The following CMTM8 variants were observed in gnomAD, a reference collection of about 807,000 sequenced individuals.
The protein encoded by CMTM8 is CKLF-like MARVEL transmembrane domain-containing protein 8.
CMTM8 carries 12 observed loss-of-function variants against 18.6 expected under a neutral mutation model. That is an observed-to-expected ratio of 0.65 (90% confidence interval 0.41 to 1.05). The LOEUF is 1.05. CMTM8 is among the 50% of genes least tolerant of loss of function. The probability of loss-of-function intolerance (pLI) is 0.00; values close to 1 mark genes in which losing one functional copy is unlikely to be tolerated. For missense variants in CMTM8, 217 were observed against 227.2 expected (o/e 0.95, Z 0.29); for synonymous variants, 87 against 90.6 (o/e 0.96, Z 0.23).
intron 1 of CMTM8, among the ~76,000 whole-genome samples, chr3:32,335,655 G>A (rs1696372299): frequency 6.6e-6 from 1 of 152,126 alleles, no homozygotes; most frequent in Non-Finnish European, 1.5e-5. Flanking sequence ...ATGTGTCGAA[G>A]GTCACCTGTT....
intron 1 of CMTM8, among the ~76,000 whole-genome samples, chr3:32,305,568 G>A (rs1695701137): frequency 6.6e-6 from 1 of 152,146 alleles, no homozygotes; most frequent in Admixed American, 6.5e-5. Context: ...CAAAACTATG[G>A]TAAATACACT....
chr3:32,251,059 A>C (rs2125531311), intron 1 of CMTM8, among the ~76,000 whole-genome samples: 1 of 152,336 alleles, frequency 6.6e-6, no homozygotes, highest in East Asian at 1.9e-4. Context: ...ATGGTGTTTC[A>C]GCATATAACA....
rs1056208982 is a variant in CMTM8 at position 32,238,998 on chromosome 3, C to T, written c.26C>T (p.Ser9Leu). The T allele has an allele frequency of 4.0e-5, 62 of 1,555,056 alleles. No homozygotes were observed. Among genetic ancestry groups the T allele is most frequent in the Non-Finnish European group, 5.2e-5 (60 of 1,150,118 alleles). ...ATGGAGGAGCCGCAGCGCGCCCGCT[C>T]GCACACAGTCACCACCACCGCCAGC... Reference protein sequence around the residue: MEEPQRARSHTVTTTASSF... With the variant: MEEPQRARLHTVTTTASSF... The change falls in exon 1 of 4, where the codon TCG (serine) becomes TTG (leucine). Residue 9 changes from serine to leucine, a missense_variant. By Grantham distance (145) the Ser-to-Leu change is moderately radical. Coordinates refer to ENST00000307526, the MANE Select transcript of CMTM8 (RefSeq NM_178868.5).
At chr3:32,331,878 G>A (rs1195914679) in intron 1 of CMTM8, among the ~76,000 whole-genome samples, 1 of 152,162 alleles carries the variant, frequency 6.6e-6, no homozygotes, top group Non-Finnish European at 1.5e-5. Flanking sequence ...AAGGGATAAA[G>A]AGAGGGTGCA....
At chr3:32,360,501 C>T (rs11129517) in intron 2 of CMTM8, among the ~76,000 whole-genome samples, 42,157 of 152,180 alleles carry the variant, frequency 0.28, 5,935 homozygotes, top group African/African-American at 0.3. Flanking sequence ...ATATCCAGAG[C>T]GGAGACTGGA....
intron 1 of CMTM8, among the ~76,000 whole-genome samples, chr3:32,252,020 G>C (rs1035820162): frequency 1.3e-5 from 2 of 152,094 alleles, no homozygotes; most frequent in African/African-American, 4.8e-5. Flanking sequence ...AGCCCAGGAA[G>C]TGGAGGTTGC....
intron 1 of CMTM8, among the ~76,000 whole-genome samples, chr3:32,337,923 A>G (rs1696417477): frequency 6.8e-6 from 1 of 147,058 alleles, no homozygotes; most frequent in Non-Finnish European, 1.5e-5. Context: ...AGAACTGAGT[A>G]GTTGTGGCAG....
intron 1 of CMTM8, among the ~76,000 whole-genome samples, chr3:32,279,231 G>T (rs557263530): frequency 6.8e-6 from 1 of 147,334 alleles, no homozygotes; most frequent in African/African-American, 2.5e-5. Flanking sequence ...ACATTGTGCA[G>T]GTTAGTTACA....
At position 32,341,407 on chromosome 3, in the gene CMTM8, G is replaced by A. The variant is rs117176094; in HGVS notation, c.148-15966G>A. On this transcript the variant is annotated intron_variant, in intron 1 of 3. Coordinates refer to ENST00000307526, the MANE Select transcript of CMTM8 (RefSeq NM_178868.5). ...GCCTATTCCTCTAAGGCAGGCTTAT[G>A]GTCTGCCAAACTGCTCTTTTTTTTA... Among the ~76,000 whole-genome samples, 32 of 152,244 alleles carry A rather than the reference G, an allele frequency of 2.1e-4. No homozygotes were observed. In the East Asian group the frequency reaches 5.6e-3, roughly 27 times the overall value.
intron 1 of CMTM8, among the ~76,000 whole-genome samples, chr3:32,350,113 C>T (rs1696676005): frequency 6.6e-6 from 1 of 152,104 alleles, no homozygotes; most frequent in Non-Finnish European, 1.5e-5. Flanking sequence ...GGGGCAATCA[C>T]CCAGCAGCTT....
At chr3:32,313,657 A>G (rs1695866373) in intron 1 of CMTM8, among the ~76,000 whole-genome samples, 1 of 152,102 alleles carries the variant, frequency 6.6e-6, no homozygotes, top group African/African-American at 2.4e-5. Flanking sequence ...TCTGGGACCC[A>G]TCCCAGAACT....
In CMTM8 at chr3:32,251,842, C is replaced by G. The variant is rs536759675; in HGVS notation, c.147+12723C>G. Among the ~76,000 whole-genome samples, 46 of 151,290 alleles carry G rather than the reference C, an allele frequency of 3.0e-4. No individual in the cohort carries two copies. In the East Asian group the frequency reaches 7.5e-3, roughly 25 times the overall value. On this transcript the variant is annotated intron_variant, in intron 1 of 3. Coordinates refer to ENST00000307526, the MANE Select transcript of CMTM8 (RefSeq NM_178868.5). ...TGGTGGCTCACACCTGTAATCCTAG[C>G]ATTTTGGGAGGCTGAGGCAGGCGGA...
chr3:32,364,198 C>A (rs113969345), intron 2 of CMTM8, among the ~76,000 whole-genome samples: 2,572 of 152,200 alleles, frequency 0.017, 73 homozygotes, highest in African/African-American at 0.059. Context: ...ATAGCAAGAC[C>A]TGTCTCTACT....
intron 1 of CMTM8, chr3:32,259,085 G>A (rs574000889): frequency 2.1e-5 from 8 of 375,576 alleles, no homozygotes; most frequent in African/African-American, 6.3e-5. Context: ...TCTGGTTCCC[G>A]GATCACCGTG....
At chr3:32,274,246 G>C (rs1702482346) in intron 1 of CMTM8, among the ~76,000 whole-genome samples, 1 of 151,496 alleles carries the variant, frequency 6.6e-6, no homozygotes, top group East Asian at 1.9e-4. Flanking sequence ...GGAGGTTAAG[G>C]CTGCAGTGAG....
At chr3:32,348,296 A>G (rs900865461) in intron 1 of CMTM8, among the ~76,000 whole-genome samples, 3 of 152,038 alleles carry the variant, frequency 2.0e-5, no homozygotes, top group Non-Finnish European at 4.4e-5. Context: ...TTATTAGGCA[A>G]CCTGTTTGTT....
At chr3:32,240,372 T>A (rs1701931869) in intron 1 of CMTM8, among the ~76,000 whole-genome samples, 1 of 152,192 alleles carries the variant, frequency 6.6e-6, no homozygotes, top group Non-Finnish European at 1.5e-5. Context: ...GCTGAAGGTA[T>A]TGGAATCGCC....
intron 1 of CMTM8, among the ~76,000 whole-genome samples, chr3:32,329,426 A>G (rs1157158927): frequency 1.3e-5 from 2 of 152,212 alleles, no homozygotes; most frequent in African/African-American, 2.4e-5. Flanking sequence ...AAAGGATTAT[A>G]TGTGTTCAAC....
intron 1 of CMTM8, among the ~76,000 whole-genome samples, chr3:32,257,760 TTGGTGATTAA>T (rs1180571799): frequency 6.6e-6 from 1 of 152,052 alleles, no homozygotes; most frequent in African/African-American, 2.4e-5. Flanking sequence ...CTTCAGTCAT[TTGGTGATTAA>T]TGGTTGTCCA....
Sources: allele counts gnomAD v4.1 joint callset (sites outside exome capture counted in the v4.1 genomes callset), GRCh38; gene constraint gnomAD v4.1.1; transcripts MANE v1.5; gene names NCBI Gene and HGNC (gene_info 2026-07-23, HGNC 2026-07-21).